UBE2K: variants seen among roughly 807,000 people sequenced by gnomAD.
The protein encoded by UBE2K is ubiquitin conjugating enzyme E2 K.
Under a neutral mutation model 30.0 loss-of-function variants are expected in UBE2K, and 6 were observed. The observed-to-expected ratio is 0.20, with a 90% CI of 0.11 to 0.39. The LOEUF (loss-of-function observed/expected upper bound fraction) is 0.39, where lower values mean the gene tolerates loss of function less well. Among genes scored for constraint, UBE2K ranks in the 10% least tolerant of loss-of-function variants. The pLI is 1.00. For synonymous variants in UBE2K, 86 were observed against 83.7 expected (o/e 1.03, Z -0.15); for missense variants, 61 against 241.6 (o/e 0.25, Z 4.96).
Position 39,778,506 on chromosome 4 carries a change from T to C in UBE2K, c.*72T>C. 1 of 1,024,164 alleles carries C rather than the reference T, an allele frequency of 9.8e-7. No homozygotes were observed. Among genetic ancestry groups the C allele is most frequent in the Non-Finnish European group, 1.5e-6 (1 of 670,830 alleles). The allele number at this position is 1,024,164 out of a possible 1,614,324, so 63.4% of individuals were successfully genotyped here. A position where few individuals can be genotyped will look rare whatever the true frequency, so the allele number is the denominator to read the frequency against. On this transcript the variant is annotated 3_prime_UTR_variant, in exon 7 of 7. Coordinates refer to ENST00000261427, the MANE Select transcript of UBE2K (RefSeq NM_005339.5). Reference sequence around the variant, plus strand: ...GCACCAACATCTGTTATTTTTAGGATTCTGCATAGATTTCTTTTAAACTGG... The same window carrying C: ...GCACCAACATCTGTTATTTTTAGGACTCTGCATAGATTTCTTTTAAACTGG...
chr4:39,739,657 G>A (rs1186796581), intron 2 of UBE2K, among the ~76,000 whole-genome samples: 5 of 151,928 alleles, frequency 3.3e-5, no homozygotes, highest in Admixed American at 2.6e-4. Context: ...ATATTGGCCA[G>A]GCTTGTCTTG....
chr4:39,729,763 T>C (rs1247787174), intron 1 of UBE2K, among the ~76,000 whole-genome samples: 1 of 152,234 alleles, frequency 6.6e-6, no homozygotes, highest in African/African-American at 2.4e-5. Flanking sequence ...ATCATTTTCA[T>C]TCTTTGTATT....
At chr4:39,707,055 C>T (rs901336499) in intron 1 of UBE2K, among the ~76,000 whole-genome samples, 8 of 151,928 alleles carry the variant, frequency 5.3e-5, no homozygotes, top group African/African-American at 1.9e-4. Context: ...TACAGGCATG[C>T]GCCACCACAC....
In UBE2K at chr4:39,748,621, A is replaced by C. The variant is rs76626975; in HGVS notation, c.216+2811A>C. Among the ~76,000 whole-genome samples the C allele has an allele frequency of 1.2e-3, 87 of 71,638 alleles. 1 individual carries two copies. The highest frequency in any genetic ancestry group is 1.8e-3 in the South Asian group (5 of 2,762). 47.0% of individuals were successfully genotyped at this position (71,638 alleles called of 152,430 possible). A position where few individuals can be genotyped will look rare whatever the true frequency, so the allele number is the denominator to read the frequency against. ...ATAGCAAGGCCCTGTCTCTAGTCCC[A>C]AAAAAAAAAAAAAAGAAAAAGAAAA... On this transcript the variant is annotated intron_variant, in intron 3 of 6. Coordinates refer to ENST00000261427, the MANE Select transcript of UBE2K (RefSeq NM_005339.5).
chr4:39,722,550 T>G (rs1227760643), intron 1 of UBE2K, among the ~76,000 whole-genome samples: 1 of 152,128 alleles, frequency 6.6e-6, no homozygotes, highest in East Asian at 1.9e-4. Flanking sequence ...CAAAATCCTT[T>G]TACCAGGTGC....
chr4:39,720,678 A>G (rs1424072853), intron 1 of UBE2K, among the ~76,000 whole-genome samples: 3 of 152,230 alleles, frequency 2.0e-5, no homozygotes, highest in Non-Finnish European at 4.4e-5. Flanking sequence ...CTGTATACGT[A>G]TAGATAGTTA....
chr4:39,753,859 G>A (rs1721395198), intron 3 of UBE2K, among the ~76,000 whole-genome samples: 1 of 152,128 alleles, frequency 6.6e-6, no homozygotes, highest in Non-Finnish European at 1.5e-5. Context: ...ATGGCTCCAT[G>A]CCTCTAATCC....
intron 1 of UBE2K, among the ~76,000 whole-genome samples, chr4:39,721,410 G>T (rs183628870): frequency 6.6e-6 from 1 of 152,292 alleles, no homozygotes; most frequent in African/African-American, 2.4e-5. Flanking sequence ...CTGGAGTGCA[G>T]TGGCTCAATC....
chr4:39,714,595 G>A (rs1718934605), intron 1 of UBE2K: 2 of 117,056 alleles, frequency 1.7e-5, no homozygotes, highest in African/African-American at 6.7e-5. Flanking sequence ...TTGCCAGGCT[G>A]GAATGCAGTG....
intron 3 of UBE2K, among the ~76,000 whole-genome samples, chr4:39,755,035 G>A (rs2109374302): frequency 6.6e-6 from 1 of 152,278 alleles, no homozygotes; most frequent in Admixed American, 6.5e-5. Flanking sequence ...TGAGATGATT[G>A]GACTCAGAAT....
At chr4:39,755,838 A>G (rs1445027627) in intron 4 of UBE2K, 99 bp downstream of exon 4, 1 of 843,254 alleles carries the variant, frequency 1.2e-6, no homozygotes, top group Non-Finnish European at 1.8e-6. Context: ...ATTATACTTT[A>G]TCTTGTTTGG....
intron 1 of UBE2K, among the ~76,000 whole-genome samples, chr4:39,712,415 C>A (rs1345067981): frequency 8.2e-6 from 1 of 121,302 alleles, no homozygotes; most frequent in African/African-American, 3.1e-5. Context: ...CAGGGTTTCT[C>A]CGTGTTTTTT....
chr4:39,712,220 G>A (rs1436559949), intron 1 of UBE2K, among the ~76,000 whole-genome samples: 1 of 25,372 alleles, frequency 3.9e-5, no homozygotes, highest in Non-Finnish European at 8.2e-5. Flanking sequence ...TTTTTTTTTT[G>A]AGACCGAGTC....
At chr4:39,774,773 ATACTT>A in intron 4 of UBE2K, 56 bp from the exon 5 acceptor site, 2 of 1,011,372 alleles carry the variant, frequency 2.0e-6, no homozygotes, top group Non-Finnish European at 2.7e-6. Context: ...TATTAAGAAA[ATACTT>A]TGCTTTTGCC....
At chr4:39,728,901 T>G (rs1719917260) in intron 1 of UBE2K, among the ~76,000 whole-genome samples, 1 of 150,082 alleles carries the variant, frequency 6.7e-6, no homozygotes. Context: ...TCTTTTGACC[T>G]CGTGATCCAC....
intron 4 of UBE2K, chr4:39,771,150 A>G (rs1712794120): frequency 6.2e-7 from 1 of 1,612,780 alleles, no homozygotes; most frequent in Non-Finnish European, 8.5e-7. Context: ...TGTCCCTAAC[A>G]GCGAATTCCA....
intron 3 of UBE2K, among the ~76,000 whole-genome samples, chr4:39,751,989 T>C (rs1007105050): frequency 2.0e-5 from 3 of 152,142 alleles, no homozygotes; most frequent in African/African-American, 7.2e-5. Context: ...AAAATAAGAT[T>C]AAAACAAAAG....
intron 1 of UBE2K, among the ~76,000 whole-genome samples, chr4:39,702,166 C>G (rs941372004): frequency 1.1e-4 from 17 of 150,908 alleles, no homozygotes; most frequent in East Asian, 5.8e-4. Context: ...TGCTATATGG[C>G]ACCTGTTGGT....
rs189648908 is a variant in UBE2K at position 39,780,623 on chromosome 4, G to C, written c.*2189G>C. On this transcript the variant is annotated 3_prime_UTR_variant, in exon 7 of 7. Coordinates refer to ENST00000261427, the MANE Select transcript of UBE2K (RefSeq NM_005339.5). Reference sequence around the variant, plus strand: ...TTGGAAAGTACAATATTTGGTTTGAGACATTCTTCATAAAAGATTCTTTAT... The same window carrying C: ...TTGGAAAGTACAATATTTGGTTTGACACATTCTTCATAAAAGATTCTTTAT... The C allele has an allele frequency of 4.6e-4, 70 of 152,162 alleles. No individual in the cohort carries two copies. Among genetic ancestry groups the C allele is most frequent in the African/African-American group, 1.4e-3 (57 of 41,532 alleles). 9.4% of individuals were successfully genotyped at this position (152,162 alleles called of 1,614,324 possible).
Sources: allele counts gnomAD v4.1 joint callset (sites outside exome capture counted in the v4.1 genomes callset), GRCh38; gene constraint gnomAD v4.1.1; transcripts MANE v1.5; gene names NCBI Gene and HGNC (gene_info 2026-07-23, HGNC 2026-07-21).